PLA2G4C: variants seen among roughly 807,000 people sequenced by gnomAD.
The protein encoded by PLA2G4C is phospholipase A2 group IVC, also known as cytosolic phospholipase A2 gamma.
A neutral mutation model predicts 73.8 loss-of-function variants in PLA2G4C; 64 were observed. The ratio of observed to expected loss-of-function variants is 0.87; its 90% confidence interval spans 0.71 to 1.07. The LOEUF is 1.07. Ranked by LOEUF, PLA2G4C falls within the 50% of genes least tolerant of loss-of-function variation. The pLI, the probability that PLA2G4C is intolerant of heterozygous loss-of-function variation, is 0.00. For missense variants in PLA2G4C, 622 were observed against 665.4 expected (o/e 0.93, Z 0.72); for synonymous variants, 254 against 252.1 (o/e 1.01, Z -0.07).
At chr19:48,056,508 A>G (rs1253208107) in intron 14 of PLA2G4C, among the ~76,000 whole-genome samples, 35 of 151,658 alleles carry the variant, frequency 2.3e-4, no homozygotes, top group Non-Finnish European at 1.5e-5. Flanking sequence ...AGATAGCGCC[A>G]TTGCACTCCA....
rs899782994 is a variant in PLA2G4C at position 48,104,358 on chromosome 19, C to T, written c.257+230G>A. 2.2e-5 allele frequency: 10 copies of T among 449,392 alleles called. 1 individual carries two copies. In the South Asian group the frequency reaches 2.5e-4, roughly 11 times the overall value. The allele number at this position is 449,392 out of a possible 1,614,324, so 27.8% of individuals were successfully genotyped here. A position where few individuals can be genotyped will look rare whatever the true frequency, so the allele number is the denominator to read the frequency against. On this transcript the variant is annotated intron_variant, in intron 4 of 16. Coordinates refer to ENST00000599921, the MANE Select transcript of PLA2G4C (RefSeq NM_003706.3). ...CACCAGCGGCTAGGTAATTGCAACT[C>T]GTGTCTGAAGTGGGAGCAGTTTTTT...
chr19:48,097,612 G>A (rs1353267239), intron 6 of PLA2G4C, among the ~76,000 whole-genome samples: 1 of 151,244 alleles, frequency 6.6e-6, no homozygotes, highest in Non-Finnish European at 1.5e-5. Context: ...TTTTTGGGGG[G>A]ACAGGGTCTC....
chr19:48,070,871 T>A (rs1968630129), intron 12 of PLA2G4C, among the ~76,000 whole-genome samples: 1 of 152,174 alleles, frequency 6.6e-6, no homozygotes, highest in Non-Finnish European at 1.5e-5. Flanking sequence ...AACCTGCATG[T>A]CCTGCACATG....
intron 6 of PLA2G4C, chr19:48,097,235 T>C (rs1214113788): frequency 1.6e-5 from 2 of 121,446 alleles, no homozygotes; most frequent in African/African-American, 7.1e-5. Context: ...CAGTTTTCTT[T>C]ACTTTTTTCT....
intron 1 of PLA2G4C, 86 bp downstream of exon 1, chr19:48,110,401 C>A: frequency 1.2e-6 from 1 of 800,212 alleles, no homozygotes. Context: ...AAAAGAAATC[C>A]TGTTATTTAA....
intron 10 of PLA2G4C, among the ~76,000 whole-genome samples, chr19:48,083,175 C>G (rs2030718223): frequency 6.6e-6 from 1 of 152,078 alleles, no homozygotes; most frequent in Non-Finnish European, 1.5e-5. Context: ...TTTAAGAGGA[C>G]ACTCCCATGT....
In PLA2G4C at chr19:48,110,534, T is replaced by C. The variant is rs574531614; in HGVS notation, c.-80A>G. 490 of 1,532,770 alleles carry C rather than the reference T, an allele frequency of 3.2e-4. No individual in the cohort carries two copies. The highest frequency in any genetic ancestry group is 4.1e-4 in the Non-Finnish European group (469 of 1,142,702). The allele number at this position is 1,532,770 out of a possible 1,614,324, so 94.9% of individuals were successfully genotyped here. A position where few individuals can be genotyped will look rare whatever the true frequency, so the allele number is the denominator to read the frequency against. On this transcript the variant is annotated 5_prime_UTR_variant, in exon 1 of 17. Coordinates refer to ENST00000599921, the MANE Select transcript of PLA2G4C (RefSeq NM_003706.3). ...TGCGCATGCGCGGTGGAGCTTGTGC[T>C]CCGGAATCCGGTGCGGAGGCTTGGG...
intron 7 of PLA2G4C, among the ~76,000 whole-genome samples, chr19:48,093,547 A>T (rs916633583): frequency 6.6e-6 from 1 of 152,124 alleles, no homozygotes; most frequent in Non-Finnish European, 1.5e-5. Flanking sequence ...TGGCTCTCCT[A>T]TCGCACTTGG....
At chr19:48,091,803 T>A (rs370990901) in intron 7 of PLA2G4C, among the ~76,000 whole-genome samples, 8 of 135,710 alleles carry the variant, frequency 5.9e-5, no homozygotes, top group African/African-American at 2.3e-4. Flanking sequence ...GGCAGGGGAA[T>A]AACTTGAACC....
chr19:48,085,052 T>C lies in PLA2G4C; in HGVS notation c.844+7A>G. ...GGCTTTGACCTTTCTGTTCCCCAAA[T>C]ACTCACCAAAAATAAGGTGTCCAAT... On this transcript the variant is annotated splice_region_variant and intron_variant, in intron 10 of 16. Transcript: ENST00000599921. The C allele has an allele frequency of 6.2e-7, 1 of 1,602,664 alleles. No individual in the cohort carries two copies. Among genetic ancestry groups the C allele is most frequent in the South Asian group, 1.1e-5 (1 of 90,816 alleles).
chr19:48,102,031 C>T (rs765965746), intron 4 of PLA2G4C, among the ~76,000 whole-genome samples: 5 of 152,014 alleles, frequency 3.3e-5, no homozygotes, highest in East Asian at 3.8e-4. Context: ...CAGTATAAAA[C>T]GCCCAGCAGC....
intron 11 of PLA2G4C, among the ~76,000 whole-genome samples, chr19:48,075,151 CCCATTTAT>C (rs2030053973): frequency 7.0e-6 from 1 of 142,904 alleles, no homozygotes; most frequent in African/African-American, 2.6e-5. Flanking sequence ...GGCAAAGTCT[CCCATTTAT>C]TTATTTATTT....
chr19:48,103,141 G>A (rs1211172336), intron 4 of PLA2G4C, among the ~76,000 whole-genome samples: 2 of 152,056 alleles, frequency 1.3e-5, no homozygotes, highest in Non-Finnish European at 1.5e-5. Context: ...CCAAAGTACT[G>A]GGATTACAGG....
intron 5 of PLA2G4C, among the ~76,000 whole-genome samples, chr19:48,099,308 C>T (rs1459448256): frequency 6.6e-6 from 1 of 151,988 alleles, no homozygotes; most frequent in East Asian, 1.9e-4. Context: ...GAATTCAAGA[C>T]ATCAAATGGC....
intron 12 of PLA2G4C, among the ~76,000 whole-genome samples, chr19:48,071,376 C>T (rs896834511): frequency 2.6e-5 from 4 of 152,044 alleles, no homozygotes; most frequent in Admixed American, 6.6e-5. Flanking sequence ...CTGCAACCTC[C>T]GCCTCCCGGG....
At chr19:48,065,011 C>T (rs1259030068) in intron 13 of PLA2G4C, 9 of 152,160 alleles carry the variant, frequency 5.9e-5, no homozygotes, top group Admixed American at 5.9e-4. Context: ...GGAATGGTTC[C>T]TCTTGCTGAT....
intron 5 of PLA2G4C, 72 bp from the exon 6 acceptor site, chr19:48,098,331 G>A (rs527953654): frequency 4.3e-6 from 6 of 1,407,936 alleles, no homozygotes; most frequent in Non-Finnish European, 5.6e-6. Context: ...CTGCACGTAG[G>A]CCACATTTTT....
chr19:48,048,976 G>A (rs1303482792), intron 16 of PLA2G4C, among the ~76,000 whole-genome samples: 3 of 152,092 alleles, frequency 2.0e-5, no homozygotes, highest in Non-Finnish European at 1.5e-5. Context: ...AGATCTGGTT[G>A]TTAAAAGGAA....
chr19:48,092,208 C>T (rs898206731), intron 7 of PLA2G4C, among the ~76,000 whole-genome samples: 3 of 152,144 alleles, frequency 2.0e-5, no homozygotes, highest in Non-Finnish European at 4.4e-5. Context: ...CACCACCATG[C>T]CCGGCTAATT....
Sources: allele counts gnomAD v4.1 joint callset (sites outside exome capture counted in the v4.1 genomes callset), GRCh38; gene constraint gnomAD v4.1.1; transcripts MANE v1.5; gene names NCBI Gene and HGNC (gene_info 2026-07-23, HGNC 2026-07-21).